PRKD1: variants seen among roughly 807,000 people sequenced by gnomAD.
PRKD1 encodes the protein protein kinase D1.
Under a neutral mutation model 95.9 loss-of-function variants are expected in PRKD1, and 63 were observed. That is an observed-to-expected ratio of 0.66 (90% CI 0.54 to 0.81). The LOEUF is 0.81. PRKD1 is among the 30% of genes least tolerant of loss of function. PRKD1 has a pLI of 0.00. For missense variants in PRKD1, 1,048 were observed against 1,165.3 expected (o/e 0.90, Z 1.47); for synonymous variants, 425 against 423.1 (o/e 1.00, Z -0.05).
At chr14:29,611,979 T>C (rs1490898422) in intron 13 of PRKD1, among the ~76,000 whole-genome samples, 2 of 152,150 alleles carry the variant, frequency 1.3e-5, no homozygotes, top group Non-Finnish European at 2.9e-5. Flanking sequence ...ACAAATCCTA[T>C]TACTGTAGTA....
chr14:29,892,846 A>G (rs1893987799), intron 1 of PRKD1, among the ~76,000 whole-genome samples: 1 of 152,232 alleles, frequency 6.6e-6, no homozygotes. Context: ...CTGCTTACAA[A>G]TAAGAATCTG....
chr14:29,650,596 G>A (rs1881432525), intron 4 of PRKD1: 1 of 152,228 alleles, frequency 6.6e-6, no homozygotes, highest in Non-Finnish European at 1.5e-5. Context: ...TATTTAAGGT[G>A]TACACTGGCT....
intron 2 of PRKD1, among the ~76,000 whole-genome samples, chr14:29,714,448 T>C (rs186264733): frequency 9.1e-4 from 138 of 152,202 alleles, no homozygotes; most frequent in African/African-American, 3.2e-3. Context: ...CATTAAAAAG[T>C]CAGGAAACAA....
chr14:29,898,016 AAAC>A (rs760567876), intron 1 of PRKD1, among the ~76,000 whole-genome samples: 3 of 152,132 alleles, frequency 2.0e-5, no homozygotes, highest in East Asian at 1.9e-4. Flanking sequence ...TAAAAATTAA[AAAC>A]AACGCATCCT....
intron 3 of PRKD1, among the ~76,000 whole-genome samples, chr14:29,664,167 T>A (rs1882350158): frequency 1.3e-5 from 2 of 152,198 alleles, no homozygotes; most frequent in African/African-American, 4.8e-5. Flanking sequence ...TCTGAGCCAC[T>A]TTTAGCTGCC....
chr14:29,729,396 AGTTT>A lies in PRKD1; in HGVS notation c.265-3726_265-3723del, dbSNP rs573184485. On this transcript the variant is annotated intron_variant, in intron 1 of 17. Coordinates refer to ENST00000331968, the MANE Select transcript of PRKD1 (RefSeq NM_002742.3). ...AATTTCCTCTTAAGTGACTTTTGGCAGTTTGTTTATTTTCAGAAAGGTATCCATT... is the reference window on the plus strand; with the variant it reads ...AATTTCCTCTTAAGTGACTTTTGGCAGTTTATTTTCAGAAAGGTATCCATT... Among the ~76,000 whole-genome samples the A allele has an allele frequency of 1.5e-3, 228 of 152,162 alleles. 3 individuals carry two copies. Among genetic ancestry groups the A allele is most frequent in the East Asian group, 5.8e-4 (3 of 5,178 alleles).
intron 1 of PRKD1, among the ~76,000 whole-genome samples, chr14:29,753,308 A>G (rs1887560028): frequency 6.6e-6 from 1 of 152,064 alleles, no homozygotes; most frequent in Non-Finnish European, 1.5e-5. Flanking sequence ...TGCTTGCCAA[A>G]CCTTTACCTT....
intron 1 of PRKD1, among the ~76,000 whole-genome samples, chr14:29,800,797 A>G (rs182643808): frequency 6.6e-6 from 1 of 151,852 alleles, no homozygotes; most frequent in East Asian, 1.9e-4. Context: ...ACATCCCTCT[A>G]TTTTTTCAAT....
intron 1 of PRKD1, among the ~76,000 whole-genome samples, chr14:29,750,354 A>C: frequency 6.6e-6 from 1 of 152,226 alleles, no homozygotes; most frequent in East Asian, 1.9e-4. Context: ...ACAAAACTTA[A>C]GTTCCTACAG....
At chr14:29,688,325 C>A in intron 2 of PRKD1, among the ~76,000 whole-genome samples, 1 of 152,092 alleles carries the variant, frequency 6.6e-6, no homozygotes, top group East Asian at 1.9e-4. Context: ...CCTTAATTCT[C>A]TTTTTTCATA....
chr14:29,700,793 G>C (rs1237264204), intron 2 of PRKD1, among the ~76,000 whole-genome samples: 1 of 152,148 alleles, frequency 6.6e-6, no homozygotes, highest in Non-Finnish European at 1.5e-5. Context: ...CCCTGAAGAA[G>C]AGGGAATTCT....
At chr14:29,809,416 C>A (rs534052877) in intron 1 of PRKD1, among the ~76,000 whole-genome samples, 1 of 152,194 alleles carries the variant, frequency 6.6e-6, no homozygotes, top group African/African-American at 2.4e-5. Flanking sequence ...ATCCTAGATG[C>A]TTCTTCTTCC....
intron 16 of PRKD1, among the ~76,000 whole-genome samples, chr14:29,594,354 C>T (rs1021159676): frequency 5.9e-5 from 9 of 152,128 alleles, no homozygotes; most frequent in African/African-American, 1.7e-4. Flanking sequence ...TAAAATGATA[C>T]GATCGATCTT....
chr14:29,737,328 C>CAAAAAAAAAA (rs796557046), intron 1 of PRKD1, among the ~76,000 whole-genome samples: 12 of 37,930 alleles, frequency 3.2e-4, no homozygotes, highest in South Asian at 1.9e-3. Context: ...GACTCCGTCT[C>CAAAAAAAAAA]AAAAAAAAAA....
In PRKD1 at chr14:29,585,060, CT is replaced by C. The variant is rs941508947; in HGVS notation, c.2435-6701del. 1.1e-4 allele frequency among the ~76,000 whole-genome samples: 17 copies of C among 150,044 alleles called. 1 individual carries two copies. The highest frequency in any genetic ancestry group is 4.2e-4 in the South Asian group (2 of 4,742). On this transcript the variant is annotated intron_variant, in intron 16 of 17. Transcript: ENST00000331968. ...CCTTGCCTTCAGGCAAGTGTTTTCT[CT>C]TTTTTTTTTCCCTTTCAATTCTGCC...
At chr14:29,744,932 C>G (rs999091700) in intron 1 of PRKD1, among the ~76,000 whole-genome samples, 1 of 152,192 alleles carries the variant, frequency 6.6e-6, no homozygotes, top group Non-Finnish European at 1.5e-5. Context: ...TCAACCAGAG[C>G]TCATAGGCTC....
At chr14:29,909,975 A>AGACCAATCAGCTCTCTGTAAAATG (rs1309992730) in intron 1 of PRKD1, among the ~76,000 whole-genome samples, 1 of 152,142 alleles carries the variant, frequency 6.6e-6, no homozygotes, top group Non-Finnish European at 1.5e-5. Flanking sequence ...TCTGTAAAAC[A>AGACCAATCAGCTCTCTGTAAAATG]GACCAATCAG....
At chr14:29,840,388 G>A (rs1007357512) in intron 1 of PRKD1, among the ~76,000 whole-genome samples, 29 of 152,112 alleles carry the variant, frequency 1.9e-4, no homozygotes, top group Non-Finnish European at 3.8e-4. Flanking sequence ...ATCATTATCA[G>A]TATTTTTGTC....
chr14:29,739,342 T>C (rs899084478), intron 1 of PRKD1, among the ~76,000 whole-genome samples: 7 of 152,220 alleles, frequency 4.6e-5, no homozygotes, highest in African/African-American at 1.7e-4. Context: ...ATCTGACCCA[T>C]AAGCTATCTT....
Sources: gnomAD v4.1 joint callset for allele counts (sites outside exome capture counted in the v4.1 genomes callset) on GRCh38, gnomAD v4.1.1 for gene constraint, MANE v1.5 for transcripts, NCBI Gene and HGNC (gene_info 2026-07-23, HGNC 2026-07-21) for gene names.